The following MLLT3 variants were observed in gnomAD, a reference collection of about 807,000 sequenced individuals.
MLLT3 encodes the protein protein AF-9.
MLLT3 carries 4 observed loss-of-function variants against 53.2 expected under a neutral mutation model. That is an observed-to-expected ratio of 0.08 (90% CI 0.04 to 0.17). MLLT3 has a LOEUF of 0.17. Ranked by LOEUF, MLLT3 falls within the 10% of genes least tolerant of loss-of-function variation. The pLI is 1.00. For synonymous variants in MLLT3, 283 were observed against 230.6 expected (o/e 1.23, Z -2.06); for missense variants, 569 against 684.0 (o/e 0.83, Z 1.87).
At chr9:20,590,852 C>A (rs1820110179) in intron 2 of MLLT3, among the ~76,000 whole-genome samples, 2 of 152,166 alleles carry the variant, frequency 1.3e-5, no homozygotes, top group African/African-American at 2.4e-5. Flanking sequence ...CCTCTGACCT[C>A]AGCCTCCTGA....
Position 20,366,679 on chromosome 9 carries a change from A to G in MLLT3, c.1126-935T>C, listed in dbSNP as rs981544156. On this transcript the variant is annotated intron_variant, in intron 5 of 10. Coordinates refer to ENST00000380338, the MANE Select transcript of MLLT3 (RefSeq NM_004529.4). Reference sequence around the variant, plus strand: ...CCACCAACAGTGTAAAAGTGTTCCTATTTCTCCACATCCTCTCCAGCATCT... The same window carrying G: ...CCACCAACAGTGTAAAAGTGTTCCTGTTTCTCCACATCCTCTCCAGCATCT... Among the ~76,000 whole-genome samples, 10 of 152,252 alleles carry G rather than the reference A, an allele frequency of 6.6e-5. 1 individual carries two copies. Among genetic ancestry groups the G allele is most frequent in the Admixed American group, 2.6e-4 (4 of 15,300 alleles).
Position 20,585,053 on chromosome 9 carries a change from G to A in MLLT3, c.193+35601C>T, listed in dbSNP as rs535517264. ...GAGCATGATTTCTGAATCACATGATGCATTAATCTGTTCAGGTTGCCTTAA... is the reference window on the plus strand; with the variant it reads ...GAGCATGATTTCTGAATCACATGATACATTAATCTGTTCAGGTTGCCTTAA... On this transcript the variant is annotated intron_variant, in intron 2 of 10. Coordinates refer to ENST00000380338, the MANE Select transcript of MLLT3 (RefSeq NM_004529.4). Among the ~76,000 whole-genome samples, 17 of 152,278 alleles carry A rather than the reference G, an allele frequency of 1.1e-4. 1 individual carries two copies. Among genetic ancestry groups the A allele is most frequent in the Admixed American group, 1.1e-3 (17 of 15,300 alleles).
intron 4 of MLLT3, among the ~76,000 whole-genome samples, chr9:20,421,360 A>G (rs1823004364): frequency 6.6e-6 from 1 of 152,144 alleles, no homozygotes; most frequent in African/African-American, 2.4e-5. Context: ...AGGCACAGAA[A>G]AACATGCTCC....
chr9:20,412,290 G>A (rs188748460), intron 5 of MLLT3, among the ~76,000 whole-genome samples: 70 of 152,124 alleles, frequency 4.6e-4, no homozygotes, highest in African/African-American at 1.5e-3. Context: ...AAGCAAAGAA[G>A]GAAAAATAAA....
chr9:20,562,142 T>C (rs1214254844), intron 2 of MLLT3, among the ~76,000 whole-genome samples: 1 of 152,170 alleles, frequency 6.6e-6, no homozygotes, highest in Non-Finnish European at 1.5e-5. Flanking sequence ...ACATTTACCA[T>C]GTAATGCAAG....
intron 2 of MLLT3, among the ~76,000 whole-genome samples, chr9:20,520,544 T>C (rs1818031895): frequency 6.6e-6 from 1 of 152,112 alleles, no homozygotes. Flanking sequence ...TAGGAAGGCA[T>C]ATAAATAAAA....
chr9:20,601,050 G>A (rs977686450), intron 2 of MLLT3, among the ~76,000 whole-genome samples: 4 of 152,140 alleles, frequency 2.6e-5, no homozygotes, highest in Admixed American at 2.0e-4. Context: ...TCTCTGCACC[G>A]TTGCCCCCAG....
chr9:20,532,621 G>C, intron 2 of MLLT3: 1 of 261,678 alleles, frequency 3.8e-6, no homozygotes, highest in Non-Finnish European at 7.2e-6. Flanking sequence ...AAAGCAGGAG[G>C]CCAAGAAAGT....
chr9:20,612,847 A>G (rs1270698695), intron 2 of MLLT3, among the ~76,000 whole-genome samples: 1 of 152,190 alleles, frequency 6.6e-6, no homozygotes, highest in Non-Finnish European at 1.5e-5. Flanking sequence ...GACAGAGTAT[A>G]AACTGTCAGA....
intron 2 of MLLT3, among the ~76,000 whole-genome samples, chr9:20,603,534 T>C (rs910462547): frequency 1.3e-5 from 2 of 152,104 alleles, no homozygotes; most frequent in Non-Finnish European, 2.9e-5. Flanking sequence ...ATCTATGCTA[T>C]TAACTGATTT....
At chr9:20,363,676 G>A (rs1323946057) in intron 6 of MLLT3, 71 bp from the exon 7 acceptor site, 1 of 1,494,856 alleles carries the variant, frequency 6.7e-7, no homozygotes, top group East Asian at 2.3e-5. Flanking sequence ...TAGAAACAGG[G>A]GGATGCTTAC....
chr9:20,529,448 T>C (rs995677922), intron 2 of MLLT3, among the ~76,000 whole-genome samples: 4 of 151,992 alleles, frequency 2.6e-5, no homozygotes, highest in African/African-American at 9.7e-5. Flanking sequence ...CAAATCAGAG[T>C]ATGTTAGCAG....
At chr9:20,383,307 T>C (rs190157995) in intron 5 of MLLT3, among the ~76,000 whole-genome samples, 82 of 152,088 alleles carry the variant, frequency 5.4e-4, no homozygotes, top group African/African-American at 1.8e-3. Flanking sequence ...ATTTTACTTT[T>C]GACATGAACT....
intron 2 of MLLT3, among the ~76,000 whole-genome samples, chr9:20,484,448 A>G (rs770979589): frequency 1.3e-4 from 20 of 152,270 alleles, no homozygotes; most frequent in African/African-American, 4.1e-4. Flanking sequence ...TTTTTCCTCA[A>G]TTGCCACACT....
chr9:20,621,679 A>G lies in MLLT3; in HGVS notation c.12+566T>C, dbSNP rs1821014564. On this transcript the variant is annotated intron_variant, in intron 1 of 10. Coordinates refer to ENST00000380338, the MANE Select transcript of MLLT3 (RefSeq NM_004529.4). This position sits in a 1 kb window ranked among gnomAD's most constrained non-coding sequence, Gnocchi z 7.0. ...AGCCGCCGAGCCTCGGCTCGCGCTC[A>G]GCACCTCCCGGCGCTGGGGCAAAGT... is the stretch of plus-strand genomic sequence containing the variant. The G allele has an allele frequency of 6.2e-6, 8 of 1,285,548 alleles. No homozygotes were observed. Among genetic ancestry groups the G allele is most frequent in the Middle Eastern group, 2.6e-4 (1 of 3,806 alleles). The allele number at this position is 1,285,548 out of a possible 1,614,324, so 79.6% of individuals were successfully genotyped here. A position where few individuals can be genotyped will look rare whatever the true frequency, so the allele number is the denominator to read the frequency against.
intron 7 of MLLT3, among the ~76,000 whole-genome samples, chr9:20,362,149 A>C (rs1229613276): frequency 6.6e-6 from 1 of 152,224 alleles, no homozygotes; most frequent in Non-Finnish European, 1.5e-5. Context: ...CTGACATGCT[A>C]ACACAGCACG....
At chr9:20,567,435 T>C (rs1160575931) in intron 2 of MLLT3, among the ~76,000 whole-genome samples, 1 of 152,024 alleles carries the variant, frequency 6.6e-6, no homozygotes, top group Non-Finnish European at 1.5e-5. Context: ...CACCAACTGA[T>C]AGCCACCCCA....
chr9:20,617,292 A>C (rs1192471876), intron 2 of MLLT3, among the ~76,000 whole-genome samples: 1 of 152,206 alleles, frequency 6.6e-6, no homozygotes, highest in Non-Finnish European at 1.5e-5. Context: ...ACCATTTAAC[A>C]CAAATCAAAA....
At chr9:20,439,640 G>GT (rs1823495508) in intron 4 of MLLT3, among the ~76,000 whole-genome samples, 1 of 152,084 alleles carries the variant, frequency 6.6e-6, no homozygotes, top group Non-Finnish European at 1.5e-5. Context: ...CACATTAATG[G>GT]TAAGTTCTCA....
Sources: gnomAD v4.1 joint callset for allele counts (sites outside exome capture counted in the v4.1 genomes callset) on GRCh38, gnomAD v4.1.1 for gene constraint, Gnocchi (gnomAD v3.1) non-coding constraint, MANE v1.5 for transcripts, NCBI Gene and HGNC (gene_info 2026-07-23, HGNC 2026-07-21) for gene names.